NRXN3: variants seen among roughly 807,000 people sequenced by gnomAD.
The protein encoded by NRXN3 is neurexin 3.
NRXN3 carries 32 observed loss-of-function variants against 137.6 expected under a neutral mutation model. The ratio of observed to expected loss-of-function variants is 0.23; its 90% confidence interval spans 0.18 to 0.31. The LOEUF (loss-of-function observed/expected upper bound fraction) is 0.31. NRXN3 is among the 10% of genes least tolerant of loss of function. The pLI, the probability that NRXN3 is intolerant of heterozygous loss-of-function variation, is 1.00. For missense variants in NRXN3, 1,574 were observed against 2,062.5 expected, an observed-to-expected ratio of 0.76 and a Z score of 4.59; for synonymous variants, 798 against 784.5, an observed-to-expected ratio of 1.02 and a Z score of -0.29.
In NRXN3 at chr14:79,201,885, A is replaced by G. The variant is rs2066068316; in HGVS notation, c.3262+213744A>G. ...TTTTAATTTTTACAACAACTCATTA[A>G]ACAGGTACTATTACTATCCTTATTG... On this transcript the variant is annotated intron_variant, in intron 15 of 20. Coordinates refer to ENST00000335750, the MANE Select transcript of NRXN3 (RefSeq NM_001330195.2). 2.0e-5 allele frequency among the ~76,000 whole-genome samples: 3 copies of G among 152,334 alleles called. No homozygotes were observed. The South Asian group carries it at 6.2e-4, about 32-fold the overall frequency.
chr14:78,443,428 C>A (rs1342104925), intron 4 of NRXN3, among the ~76,000 whole-genome samples: 1 of 152,160 alleles, frequency 6.6e-6, no homozygotes, highest in African/African-American at 2.4e-5. Context: ...AAATCTGCCA[C>A]CTGATCATCT....
chr14:78,861,731 C>A (rs974428797), intron 10 of NRXN3, among the ~76,000 whole-genome samples: 9 of 152,060 alleles, frequency 5.9e-5, no homozygotes, highest in African/African-American at 2.2e-4. Context: ...TCTGTAATAA[C>A]AATTCTATTA....
intron 15 of NRXN3, among the ~76,000 whole-genome samples, chr14:79,323,108 A>T (rs1330581331): frequency 6.6e-6 from 1 of 152,206 alleles, no homozygotes; most frequent in African/African-American, 2.4e-5. Context: ...ATCATAGCTC[A>T]CTGCAGCCTT....
At chr14:78,568,781 C>A (rs1362541269) in intron 4 of NRXN3, among the ~76,000 whole-genome samples, 2 of 152,028 alleles carry the variant, frequency 1.3e-5, no homozygotes, top group Non-Finnish European at 2.9e-5. Flanking sequence ...AAATGTGTCA[C>A]ACCCTCCAGG....
chr14:79,297,734 T>A (rs960702077), intron 15 of NRXN3, among the ~76,000 whole-genome samples: 4 of 152,078 alleles, frequency 2.6e-5, no homozygotes, highest in African/African-American at 9.7e-5. Context: ...GAAGGAACAT[T>A]TCCAAGTGGG....
intron 19 of NRXN3, among the ~76,000 whole-genome samples, chr14:79,724,839 AG>A (rs2098872889): frequency 6.6e-6 from 1 of 152,164 alleles, no homozygotes; most frequent in Non-Finnish European, 1.5e-5. Context: ...CTGAGAATCT[AG>A]TAATAGACTA....
chr14:79,438,897 T>G (rs75162142), intron 15 of NRXN3, among the ~76,000 whole-genome samples: 2 of 152,366 alleles, frequency 1.3e-5, no homozygotes, highest in East Asian at 3.9e-4. Context: ...ATCACCCAAG[T>G]GTACAGTTAG....
At chr14:78,215,265 C>T (rs1022808208) in intron 1 of NRXN3, among the ~76,000 whole-genome samples, 2 of 152,088 alleles carry the variant, frequency 1.3e-5, no homozygotes, top group African/African-American at 2.4e-5. Context: ...GGAGCTAAAA[C>T]GTTTTTGGAG....
intron 15 of NRXN3, among the ~76,000 whole-genome samples, chr14:79,301,703 C>G (rs762299843): frequency 8.6e-5 from 13 of 151,628 alleles, no homozygotes; most frequent in Non-Finnish European, 1.8e-4. Flanking sequence ...GATTAATATC[C>G]AAGTGTGTGT....
At chr14:78,991,564 T>C (rs1424628527) in intron 15 of NRXN3, among the ~76,000 whole-genome samples, 1 of 152,216 alleles carries the variant, frequency 6.6e-6, no homozygotes, top group African/African-American at 2.4e-5. Context: ...ATGAAAACAC[T>C]TCAGTTTATT....
intron 4 of NRXN3, among the ~76,000 whole-genome samples, chr14:78,323,794 C>T (rs1192034712): frequency 6.6e-6 from 1 of 151,976 alleles, no homozygotes; most frequent in African/African-American, 2.4e-5. Context: ...CAAGTGGGAG[C>T]CCAGTCCCAG....
intron 15 of NRXN3, among the ~76,000 whole-genome samples, chr14:79,132,743 A>G (rs1036832039): frequency 5.3e-5 from 8 of 152,228 alleles, no homozygotes; most frequent in African/African-American, 7.2e-5. Flanking sequence ...TTCCCTAGGA[A>G]CAGACTCTGA....
chr14:79,100,811 A>G (rs1021312655), intron 15 of NRXN3, among the ~76,000 whole-genome samples: 3 of 152,130 alleles, frequency 2.0e-5, no homozygotes, highest in Admixed American at 1.3e-4. Flanking sequence ...CACAGTCAAA[A>G]GTTGCTGTAT....
intron 15 of NRXN3, among the ~76,000 whole-genome samples, chr14:79,140,028 T>A (rs886691657): frequency 6.6e-6 from 1 of 151,356 alleles, no homozygotes; most frequent in South Asian, 2.1e-4. Context: ...TATGAAAAAA[T>A]TATTTTGTTC....
rs576038239 is a variant in NRXN3, at chr14:78,319,560, C to A, written c.757+21700C>A. 2.0e-5 allele frequency among the ~76,000 whole-genome samples: 3 copies of A among 152,276 alleles called. No individual in the cohort carries two copies. In the East Asian group the frequency reaches 5.8e-4, roughly 29 times the overall value. ...ATAGGAAACTCATGTGACCCGTGAG[C>A]CCCAAGTCCCACCCCCTTGCCCAAA... On this transcript the variant is annotated intron_variant, in intron 4 of 20. Coordinates refer to ENST00000335750, the MANE Select transcript of NRXN3 (RefSeq NM_001330195.2).
chr14:78,557,051 C>A (rs1253521890), intron 4 of NRXN3, among the ~76,000 whole-genome samples: 1 of 144,942 alleles, frequency 6.9e-6, no homozygotes, highest in East Asian at 2.1e-4. Context: ...CCCCTCTCCG[C>A]TCCCTCTTCT....
chr14:79,324,087 C>CT (rs1267195638), intron 15 of NRXN3, among the ~76,000 whole-genome samples: 1 of 152,202 alleles, frequency 6.6e-6, no homozygotes, highest in Non-Finnish European at 1.5e-5. Flanking sequence ...AGAGAGAAGT[C>CT]TAAGTTCAGG....
intron 1 of NRXN3, among the ~76,000 whole-genome samples, chr14:78,201,529 G>A (rs766303350): frequency 6.6e-6 from 1 of 152,220 alleles, no homozygotes; most frequent in East Asian, 1.9e-4. Context: ...CAGGCATGGG[G>A]GCAGTGGTGA....
intron 4 of NRXN3, among the ~76,000 whole-genome samples, chr14:78,322,253 G>A (rs919832601): frequency 2.0e-5 from 3 of 151,916 alleles, no homozygotes; most frequent in Non-Finnish European, 2.9e-5. Flanking sequence ...TATGTAATTG[G>A]GAAAGCCACA....
Sources: gnomAD v4.1 joint callset for allele counts (sites outside exome capture counted in the v4.1 genomes callset) on GRCh38, gnomAD v4.1.1 for gene constraint, MANE v1.5 for transcripts, NCBI Gene and HGNC (gene_info 2026-07-23, HGNC 2026-07-21) for gene names.